EGFL6: variants seen among roughly 807,000 people sequenced by gnomAD.
The protein encoded by EGFL6 is epidermal growth factor-like protein 6.
A neutral mutation model predicts 43.1 loss-of-function variants in EGFL6; 42 were observed. The ratio of observed to expected loss-of-function variants is 0.98; its 90% CI spans 0.76 to 1.26. EGFL6 has a LOEUF of 1.26. EGFL6 is among the 50% of genes most tolerant of loss of function. The probability of loss-of-function intolerance (pLI) is 0.00; values close to 1 mark genes in which losing one functional copy is unlikely to be tolerated. For synonymous variants in EGFL6, 164 were observed against 163.2 expected, an observed-to-expected ratio of 1.01 and a Z score of -0.04; for missense variants, 429 against 427.8, an observed-to-expected ratio of 1.00 and a Z score of -0.02.
intron 1 of EGFL6, among the ~76,000 whole-genome samples, chrX:13,589,313 A>T (rs1042573240): frequency 8.9e-6 from 1 of 112,069 alleles, no homozygotes; most frequent in African/African-American, 3.2e-5. Flanking sequence ...TACTTTGGAC[A>T]TCTTCATGTG....
chrX:13,632,911 G>C (rs939652272), intron 11 of EGFL6, 74 bp from the exon 12 acceptor site: 31 of 938,810 alleles, frequency 3.3e-5, no homozygotes, highest in Non-Finnish European at 4.5e-5. Context: ...CGAGTTAATA[G>C]CTATTAAATA....
chrX:13,570,893 G>A (rs374395537), intron 1 of EGFL6, among the ~76,000 whole-genome samples: 2 of 112,154 alleles, frequency 1.8e-5, no homozygotes, highest in East Asian at 2.8e-4. Context: ...TTCCGGCAAC[G>A]GAAGAGGTTT....
rs1425724651 is a variant in EGFL6 at position 13,611,578 on chromosome X, G to T, written c.778+3132G>T. 7.1e-5 allele frequency among the ~76,000 whole-genome samples: 8 copies of T among 112,213 alleles called. No individual in the cohort carries two copies. In the South Asian group the frequency reaches 2.9e-3, roughly 41 times the overall value. On this transcript the variant is annotated intron_variant, in intron 7 of 11. Transcript: ENST00000361306. Reference sequence around the variant, plus strand: ...ATGTATTATTAATGTTCAAATGAAGGCAACATCTTTAAGCATGCAATTAGA... The same window carrying T: ...ATGTATTATTAATGTTCAAATGAAGTCAACATCTTTAAGCATGCAATTAGA...
intron 7 of EGFL6, among the ~76,000 whole-genome samples, chrX:13,614,624 T>A (rs1231590061): frequency 2.7e-5 from 3 of 111,768 alleles, no homozygotes; most frequent in African/African-American, 9.8e-5. Flanking sequence ...TTTGGAGAAA[T>A]CTCAAATACC....
In EGFL6 at chrX:13,603,418, A is replaced by G. The variant is rs143886991; in HGVS notation, c.502A>G (p.Asn168Asp). The G allele has an allele frequency of 1.1e-5, 13 of 1,207,599 alleles. No homozygotes were observed. The African/African-American group carries it at 1.2e-4, about 11-fold the overall frequency. Residue 168 changes from asparagine to aspartate, a missense_variant, in exon 5 of 12, where the codon AAT becomes GAT. Transcript: ENST00000361306. ...ATCCTCAGGACTCCGCCTGGCCCCA[A>G]ATGGAAGAGACTGTCTAGGTACAAC... ...CPSSGLRLAP[N>D]GRDCLDIDEC...
chrX:13,606,665 G>A (rs2045662545), intron 6 of EGFL6, 152 bp downstream of exon 6: 2 of 561,040 alleles, frequency 3.6e-6, no homozygotes, highest in African/African-American at 4.7e-5. Flanking sequence ...TTTTTTAGGT[G>A]TCTGGCATTT....
chrX:13,608,302 T>C (rs753517471), intron 6 of EGFL6, 22 bp from the exon 7 acceptor site: 3 of 1,204,602 alleles, frequency 2.5e-6, no homozygotes, highest in Non-Finnish European at 3.4e-6. Context: ...ACAGAGTCGT[T>C]CACTGGAATG....
intron 6 of EGFL6, 109 bp from the exon 7 acceptor site, chrX:13,608,215 G>A: frequency 4.1e-6 from 4 of 968,121 alleles, no homozygotes; most frequent in Non-Finnish European, 5.6e-6. Context: ...GGCAATGCTT[G>A]GTTTGTCAGG....
At chrX:13,627,963 C>G (rs1382134316) in intron 11 of EGFL6, among the ~76,000 whole-genome samples, 1 of 111,493 alleles carries the variant, frequency 9.0e-6, no homozygotes, top group Non-Finnish European at 1.9e-5. Flanking sequence ...CTTTCATGTC[C>G]AAGGTTTTTG....
chrX:13,601,056 A>G (rs962810405), intron 4 of EGFL6, among the ~76,000 whole-genome samples: 1 of 111,294 alleles, frequency 9.0e-6, no homozygotes, highest in African/African-American at 3.3e-5. Context: ...ATAAAAAGGC[A>G]AACTAGGAGA....
intron 1 of EGFL6, among the ~76,000 whole-genome samples, chrX:13,587,043 C>A (rs748995593): frequency 1.5e-4 from 17 of 111,710 alleles, no homozygotes; most frequent in South Asian, 7.5e-4. Flanking sequence ...AGACAAAAAG[C>A]AGATTTGTGG....
At chrX:13,604,149 G>GATCCCAGCCTGAA (rs1023987584) in intron 5 of EGFL6, among the ~76,000 whole-genome samples, 3 of 111,493 alleles carry the variant, frequency 2.7e-5, no homozygotes, top group East Asian at 2.8e-4. Flanking sequence ...TTTGGGAGGT[G>GATCCCAGCCTGAA]ATCCCAGCCT....
At chrX:13,632,546 C>T (rs1362737218) in intron 11 of EGFL6, among the ~76,000 whole-genome samples, 8 of 109,510 alleles carry the variant, frequency 7.3e-5, no homozygotes, top group East Asian at 5.7e-4. Flanking sequence ...CCTCGTGATC[C>T]GCCCGCCTCG....
chrX:13,607,412 C>A (rs1482912632), intron 6 of EGFL6, among the ~76,000 whole-genome samples: 2 of 112,009 alleles, frequency 1.8e-5, no homozygotes, highest in African/African-American at 6.5e-5. Flanking sequence ...GGACAACACA[C>A]AATTGCTGGG....
Position 13,633,444 on chromosome X carries a change from T to C in EGFL6, c.*349T>C, listed in dbSNP as rs1158434642. 7.7e-6 allele frequency: 1 copy of C among 130,006 alleles called. No homozygotes were observed. The highest frequency in any genetic ancestry group is 3.2e-5 in the African/African-American group (1 of 31,406). The allele number at this position is 130,006 out of a possible 1,213,427, so 10.7% of individuals were successfully genotyped here. A position where few individuals can be genotyped will look rare whatever the true frequency, so the allele number is the denominator to read the frequency against. On this transcript the variant is annotated 3_prime_UTR_variant, in exon 12 of 12. Transcript: ENST00000361306. ...AAAAAAGCACAGAGAAATGTTTAACTGTTTGACTCTTATGATACTTCTTGG... is the reference window on the plus strand; with the variant it reads ...AAAAAAGCACAGAGAAATGTTTAACCGTTTGACTCTTATGATACTTCTTGG...
chrX:13,619,036 A>C (rs1388618429), intron 8 of EGFL6, 127 bp from the exon 9 acceptor site: 1 of 492,863 alleles, frequency 2.0e-6, no homozygotes, highest in Admixed American at 3.4e-5. Context: ...TTAGGGAAAC[A>C]CTGCTCTAAT....
intron 2 of EGFL6, among the ~76,000 whole-genome samples, chrX:13,593,117 G>A (rs2045575016): frequency 9.1e-6 from 1 of 109,846 alleles, no homozygotes; most frequent in South Asian, 4.0e-4. Context: ...GTTTTACTAT[G>A]TTGGCCGGGC....
intron 3 of EGFL6, among the ~76,000 whole-genome samples, chrX:13,596,719 T>A (rs2045599585): frequency 9.0e-6 from 1 of 111,508 alleles, no homozygotes; most frequent in Non-Finnish European, 1.9e-5. Flanking sequence ...TTGCCAAATC[T>A]GGGAGCCTTA....
chrX:13,629,284 C>T (rs1157721417), intron 11 of EGFL6, among the ~76,000 whole-genome samples: 1 of 112,385 alleles, frequency 8.9e-6, no homozygotes, highest in Admixed American at 9.4e-5. Flanking sequence ...TGGATGATAT[C>T]CCCTGCTGGA....
Sources: allele counts gnomAD v4.1 joint callset (sites outside exome capture counted in the v4.1 genomes callset), GRCh38; gene constraint gnomAD v4.1.1; transcripts MANE v1.5; gene names NCBI Gene and HGNC (gene_info 2026-07-23, HGNC 2026-07-21).